PRKD1: variants seen among roughly 807,000 people sequenced by gnomAD.
The protein encoded by PRKD1 is serine/threonine-protein kinase D1.
A neutral mutation model predicts 95.9 loss-of-function variants in PRKD1; 63 were observed. That is an observed-to-expected ratio of 0.66 (90% CI 0.54 to 0.81). The LOEUF (loss-of-function observed/expected upper bound fraction) is 0.81. PRKD1 is among the 30% of genes least tolerant of loss of function. PRKD1 has a pLI of 0.00. For missense variants in PRKD1, 1,048 were observed against 1,165.3 expected (o/e 0.90, Z 1.47); for synonymous variants, 425 against 423.1 (o/e 1.00, Z -0.05).
At chr14:29,834,122 G>A (rs537168320) in intron 1 of PRKD1, among the ~76,000 whole-genome samples, 3 of 152,140 alleles carry the variant, frequency 2.0e-5, no homozygotes, top group Admixed American at 6.5e-5. Flanking sequence ...ACTTTAATTT[G>A]TTTTAAATTA....
At chr14:29,662,592 G>A (rs1219893421) in intron 4 of PRKD1, among the ~76,000 whole-genome samples, 2 of 151,950 alleles carry the variant, frequency 1.3e-5, no homozygotes, top group Admixed American at 6.6e-5. Context: ...AAGAGTATGG[G>A]ATTTTCCTAA....
intron 13 of PRKD1, among the ~76,000 whole-genome samples, chr14:29,615,975 T>C (rs1302868739): frequency 1.3e-5 from 2 of 152,050 alleles, no homozygotes; most frequent in Non-Finnish European, 2.9e-5. Flanking sequence ...GATGGAAATG[T>C]GAGACTGAAG....
chr14:29,771,279 A>G (rs1022984868), intron 1 of PRKD1, among the ~76,000 whole-genome samples: 2 of 152,092 alleles, frequency 1.3e-5, no homozygotes, highest in East Asian at 1.9e-4. Flanking sequence ...CATTTTGGAG[A>G]GCACTGGGCT....
intron 16 of PRKD1, 62 bp downstream of exon 16, chr14:29,597,429 T>G: frequency 7.1e-7 from 1 of 1,405,328 alleles, no homozygotes; most frequent in South Asian, 1.6e-5. Flanking sequence ...TAAATTAATT[T>G]AAATTAATAA....
chr14:29,888,428 T>C (rs1893816053), intron 1 of PRKD1, among the ~76,000 whole-genome samples: 2 of 151,940 alleles, frequency 1.3e-5, no homozygotes, highest in African/African-American at 4.8e-5. Context: ...TAGAAAGACA[T>C]ACCAACTTGT....
intron 1 of PRKD1, among the ~76,000 whole-genome samples, chr14:29,838,848 T>C (rs1001345472): frequency 2.6e-5 from 4 of 152,172 alleles, no homozygotes; most frequent in Non-Finnish European, 4.4e-5. Context: ...GAGGACTAAG[T>C]AATGGGTTTG....
chr14:29,675,521 A>T (rs545123262), intron 2 of PRKD1, among the ~76,000 whole-genome samples: 1 of 152,178 alleles, frequency 6.6e-6, no homozygotes, highest in Non-Finnish European at 1.5e-5. Flanking sequence ...ACACTTTTAC[A>T]CTGTTGGTGA....
At chr14:29,837,202 GT>G (rs45569238) in intron 1 of PRKD1, among the ~76,000 whole-genome samples, 2 of 151,742 alleles carry the variant, frequency 1.3e-5, no homozygotes, top group Non-Finnish European at 2.9e-5. Flanking sequence ...CTCATAAGGT[GT>G]TTTTTTTAAA....
intron 1 of PRKD1, among the ~76,000 whole-genome samples, chr14:29,854,122 T>C (rs56035002): frequency 1.3e-5 from 2 of 152,050 alleles, no homozygotes; most frequent in Middle Eastern, 6.8e-3. Flanking sequence ...ACTAATAAAG[T>C]AAATTGGAGT....
At chr14:29,593,164 G>T (rs1893188216) in intron 16 of PRKD1, among the ~76,000 whole-genome samples, 1 of 152,116 alleles carries the variant, frequency 6.6e-6, no homozygotes, top group African/African-American at 2.4e-5. Flanking sequence ...TTAGAATAGT[G>T]CCTGGCTACA....
chr14:29,909,799 T>C (rs574424999), intron 1 of PRKD1, among the ~76,000 whole-genome samples: 6 of 150,416 alleles, frequency 4.0e-5, no homozygotes, highest in African/African-American at 1.5e-4. Flanking sequence ...AGCTAAAGGA[T>C]TGTAAACACA....
chr14:29,831,449 G>GTT (rs71108500), intron 1 of PRKD1, among the ~76,000 whole-genome samples: 7 of 128,556 alleles, frequency 5.4e-5, no homozygotes, highest in Non-Finnish European at 6.7e-5. Context: ...AGAATGTTTG[G>GTT]TTTTTTTTTT....
intron 1 of PRKD1, among the ~76,000 whole-genome samples, chr14:29,904,507 AC>A (rs1171891698): frequency 6.6e-6 from 1 of 152,174 alleles, no homozygotes; most frequent in Non-Finnish European, 1.5e-5. Context: ...TCTAGGTAGG[AC>A]CCTTAGAAGA....
chr14:29,771,185 A>G (rs890982928), intron 1 of PRKD1, among the ~76,000 whole-genome samples: 1 of 152,110 alleles, frequency 6.6e-6, no homozygotes, highest in Admixed American at 6.5e-5. Context: ...GGTGTGGCTA[A>G]GCAACCCTTT....
intron 4 of PRKD1, among the ~76,000 whole-genome samples, chr14:29,643,256 A>AT (rs1374068308): frequency 4.6e-5 from 7 of 151,942 alleles, no homozygotes; most frequent in Non-Finnish European, 7.4e-5. Flanking sequence ...ACATAAAGGT[A>AT]TTTTTTGTGT....
chr14:29,770,708 T>A (rs1193586971), intron 1 of PRKD1, among the ~76,000 whole-genome samples: 1 of 152,184 alleles, frequency 6.6e-6, no homozygotes, highest in Non-Finnish European at 1.5e-5. Flanking sequence ...GACTCACACC[T>A]GTAATCCCAG....
intron 1 of PRKD1, among the ~76,000 whole-genome samples, chr14:29,755,460 C>T (rs1046613051): frequency 2.6e-5 from 4 of 152,034 alleles, no homozygotes; most frequent in Admixed American, 2.0e-4. Flanking sequence ...CTGTGAGTCA[C>T]AGGCCAAGTC....
chr14:29,867,118 T>A (rs898141515), intron 1 of PRKD1, among the ~76,000 whole-genome samples: 3 of 152,324 alleles, frequency 2.0e-5, no homozygotes, highest in Admixed American at 1.3e-4. Context: ...TGCTCCTCAA[T>A]TGGATAGAAG....
Position 29,597,707 on chromosome 14 carries a change from G to A in PRKD1, c.2218C>T (p.Arg740Trp), listed in dbSNP as rs1893360341. The change falls in exon 16 of 18, where the codon CGG becomes TGG. Residue 740 changes from arginine (R) to tryptophan (W), a missense_variant. Around this residue, in one of 3 missense-constraint regions of PRKD1, gnomAD observed 739 missense variants for 861.9 expected, o/e 0.86. Coordinates refer to ENST00000331968, the MANE Select transcript of PRKD1 (RefSeq NM_002742.3). ...FARIIGEKSF[R>W]RSVVGTPAYL... ...GCGGGGGTACCCACCACTGACCTCC[G>A]GAAAGACTTCTCTCCAATGATCCGG... The A allele has an allele frequency of 1.9e-6, 3 of 1,613,666 alleles. No individual in the cohort carries two copies. The highest frequency in any genetic ancestry group is 2.5e-6 in the Non-Finnish European group (3 of 1,179,846).
Sources: allele counts gnomAD v4.1 joint callset (sites outside exome capture counted in the v4.1 genomes callset), GRCh38; gene constraint gnomAD v4.1.1; regional missense constraint gnomAD v4.1.1; transcripts MANE v1.5; gene names NCBI Gene and HGNC (gene_info 2026-07-23, HGNC 2026-07-21).